The following VWC2L variants were observed in gnomAD, a reference collection of about 807,000 sequenced individuals.
VWC2L encodes the protein von Willebrand factor C domain-containing protein 2-like.
VWC2L carries 10 observed loss-of-function variants against 21.6 expected under a neutral mutation model. The ratio of observed to expected loss-of-function variants is 0.46; its 90% confidence interval spans 0.29 to 0.78. VWC2L has a LOEUF of 0.78. Among genes scored for constraint, VWC2L ranks in the 30% least tolerant of loss-of-function variants. VWC2L has a pLI of 0.10. For missense variants in VWC2L, 209 were observed against 277.1 expected, an observed-to-expected ratio of 0.75 and a Z score of 1.74; for synonymous variants, 96 against 94.3, an observed-to-expected ratio of 1.02 and a Z score of -0.10.
intron 2 of VWC2L, among the ~76,000 whole-genome samples, chr2:214,431,558 G>C (rs903406257): frequency 6.6e-6 from 1 of 152,088 alleles, no homozygotes; most frequent in Non-Finnish European, 1.5e-5. Context: ...TTGCGTATCC[G>C]TCCCTTCAGC....
chr2:214,417,488 A>G (rs74706848), intron 2 of VWC2L, among the ~76,000 whole-genome samples: 3,225 of 152,316 alleles, frequency 0.021, 112 homozygotes, highest in African/African-American at 0.074. Flanking sequence ...AACCCTATAC[A>G]TCTTGTAGAG....
At chr2:214,551,593 C>A (rs1156371642) in intron 3 of VWC2L, among the ~76,000 whole-genome samples, 2 of 152,302 alleles carry the variant, frequency 1.3e-5, no homozygotes, top group East Asian at 3.9e-4. Context: ...ATGATTGACT[C>A]CCATTTCATT....
chr2:214,420,016 G>A (rs1373389316), intron 2 of VWC2L, among the ~76,000 whole-genome samples: 2 of 151,966 alleles, frequency 1.3e-5, no homozygotes, highest in African/African-American at 2.4e-5. Context: ...CAGAGATTGC[G>A]CCACTGCACT....
At chr2:214,521,210 G>T (rs530158456) in intron 3 of VWC2L, among the ~76,000 whole-genome samples, 1 of 150,812 alleles carries the variant, frequency 6.6e-6, no homozygotes, top group South Asian at 2.1e-4. Context: ...GGACGACAGA[G>T]GGAGACTCTG....
chr2:214,492,189 G>A (rs1222483127), intron 3 of VWC2L, among the ~76,000 whole-genome samples: 2 of 152,170 alleles, frequency 1.3e-5, no homozygotes, highest in Non-Finnish European at 2.9e-5. Flanking sequence ...GTTCTGGGAT[G>A]TACCAAATGA....
intron 3 of VWC2L, among the ~76,000 whole-genome samples, chr2:214,557,269 T>G (rs1689887693): frequency 6.6e-6 from 1 of 151,850 alleles, no homozygotes; most frequent in African/African-American, 2.4e-5. Flanking sequence ...GGGGAGAGAA[T>G]GAAAACCAAG....
At chr2:214,549,136 T>TC (rs1160445983) in intron 3 of VWC2L, among the ~76,000 whole-genome samples, 1 of 152,196 alleles carries the variant, frequency 6.6e-6, no homozygotes, top group African/African-American at 2.4e-5. Context: ...CCACACTTCC[T>TC]CTGATCCACC....
At chr2:214,455,072 A>C (rs1703035977) in intron 3 of VWC2L, among the ~76,000 whole-genome samples, 1 of 152,170 alleles carries the variant, frequency 6.6e-6, no homozygotes, top group Admixed American at 6.5e-5. Context: ...TTGGGTATCA[A>C]GATATTGCTG....
At chr2:214,426,401 T>G (rs954119399) in intron 2 of VWC2L, among the ~76,000 whole-genome samples, 2 of 152,110 alleles carry the variant, frequency 1.3e-5, no homozygotes, top group Admixed American at 1.3e-4. Context: ...ATTCACAGCA[T>G]GAATGCTAGG....
At chr2:214,467,060 C>T (rs2126191080) in intron 3 of VWC2L, among the ~76,000 whole-genome samples, 1 of 152,254 alleles carries the variant, frequency 6.6e-6, no homozygotes, top group Middle Eastern at 3.4e-3. Flanking sequence ...CGTGGAAATA[C>T]TTTCCTCTTT....
intron 3 of VWC2L, among the ~76,000 whole-genome samples, chr2:214,473,416 C>A (rs1392402105): frequency 6.6e-6 from 1 of 152,092 alleles, no homozygotes; most frequent in Admixed American, 6.6e-5. Flanking sequence ...GGCTCGCTTC[C>A]AAGTTAAGTT....
intron 3 of VWC2L, among the ~76,000 whole-genome samples, chr2:214,468,593 C>T (rs542753767): frequency 1.3e-5 from 2 of 151,324 alleles, no homozygotes; most frequent in South Asian, 2.1e-4. Context: ...TTCTATAGAT[C>T]GGCAGGGAAA....
chr2:214,563,048 G>T (rs564458653), intron 3 of VWC2L, among the ~76,000 whole-genome samples: 2 of 152,142 alleles, frequency 1.3e-5, no homozygotes, highest in South Asian at 4.1e-4. Flanking sequence ...CATCCTGAAT[G>T]GTGTTGCCTA....
chr2:214,436,743 C>T lies in VWC2L; in HGVS notation c.505C>T (p.Pro169Ser), dbSNP rs1328322142. Residue 169 changes from proline (P) to serine (S), a missense_variant, in exon 3 of 4, where the codon CCT (proline) becomes TCT (serine). Physicochemically the swap from Pro to Ser is moderately conservative, Grantham distance 74 (BLOSUM62 -1). Transcript: ENST00000312504. ...NPVYEPEQCC[P>S]VCKNGPNCFA... ...AGTCTATGAACCAGAACAATGTTGT[C>T]CTGTCTGCAAAAATGGTAAGACCAC... 4 of 1,613,180 alleles carry T rather than the reference C, an allele frequency of 2.5e-6. No individual in the cohort carries two copies.
At chr2:214,521,832 T>C (rs758802320) in intron 3 of VWC2L, among the ~76,000 whole-genome samples, 6 of 152,236 alleles carry the variant, frequency 3.9e-5, no homozygotes, top group Non-Finnish European at 8.8e-5. Context: ...AGAAATGCTA[T>C]CTGTATGAGC....
intron 3 of VWC2L, among the ~76,000 whole-genome samples, chr2:214,484,664 A>C (rs1469121029): frequency 6.6e-6 from 1 of 152,222 alleles, no homozygotes. Context: ...CATCGGGCAG[A>C]AATCAATGAA....
intron 3 of VWC2L, among the ~76,000 whole-genome samples, chr2:214,499,508 G>A (rs4592851): frequency 1.5e-5 from 2 of 135,686 alleles, no homozygotes; most frequent in East Asian, 2.4e-4. Flanking sequence ...GTCGTGGGGT[G>A]GGGGGAGGGG....
intron 3 of VWC2L, among the ~76,000 whole-genome samples, chr2:214,550,127 T>C (rs1689770501): frequency 6.6e-6 from 1 of 152,174 alleles, no homozygotes; most frequent in South Asian, 2.1e-4. Context: ...GCTGCACAAA[T>C]TCCCTTTATT....
chr2:214,551,861 A>C (rs1438574884), intron 3 of VWC2L, among the ~76,000 whole-genome samples: 1 of 152,208 alleles, frequency 6.6e-6, no homozygotes, highest in Non-Finnish European at 1.5e-5. Context: ...TGCAGACCTC[A>C]AGAGCTGACT....
Sources: allele counts gnomAD v4.1 joint callset (sites outside exome capture counted in the v4.1 genomes callset), GRCh38; gene constraint gnomAD v4.1.1; transcripts MANE v1.5; gene names NCBI Gene and HGNC (gene_info 2026-07-23, HGNC 2026-07-21).